Variants in NPEPL1 observed in about 807,000 individuals in gnomAD.
NPEPL1 encodes probable aminopeptidase NPEPL1.
Under a neutral mutation model 52.4 loss-of-function variants are expected in NPEPL1, and 45 were observed. The ratio of observed to expected loss-of-function variants is 0.86; its 90% CI spans 0.68 to 1.10. NPEPL1 has a LOEUF of 1.10. NPEPL1 is among the 50% of genes least tolerant of loss of function. The pLI, the probability that NPEPL1 is intolerant of heterozygous loss-of-function variation, is 0.00. For missense variants in NPEPL1, 696 were observed against 710.9 expected (o/e 0.98, Z 0.24); for synonymous variants, 360 against 314.7 (o/e 1.14, Z -1.52).
intron 8 of NPEPL1, chr20:58,712,987 G>A (rs2084884179): frequency 2.7e-6 from 1 of 371,272 alleles, no homozygotes; most frequent in Non-Finnish European, 5.2e-6. Context: ...TGAGGAGCAA[G>A]TGGCTCCAGA....
rs780074914 is a variant in NPEPL1 at position 58,714,564 on chromosome 20, G to A, written c.1307G>A (p.Arg436Gln). 7.6e-6 allele frequency: 12 copies of A among 1,580,532 alleles called. 2 individuals carry two copies. Among genetic ancestry groups the A allele is most frequent in the East Asian group, 4.6e-5 (2 of 43,298 alleles). The change falls in exon 11 of 12, where the codon CGA becomes CAA. Residue 436 changes from arginine (R) to glutamine (Q), a missense_variant. Coordinates refer to ENST00000356091, the MANE Select transcript of NPEPL1 (RefSeq NM_024663.4). ...GTGTCCTCCTGGCCTCCCTAGGACCGAGACAACAGCCCCAGCTCCTGTGCT... is the reference window on the plus strand; with the variant it reads ...GTGTCCTCCTGGCCTCCCTAGGACCAAGACAACAGCCCCAGCTCCTGTGCT... ...VADMKNSVAD[R>Q]DNSPSSCAGL... is the part of the protein sequence containing the mutation.
chr20:58,712,449 A>G (rs763124949), intron 7 of NPEPL1, 30 bp from the exon 8 acceptor site: 9 of 1,512,952 alleles, frequency 5.9e-6, no homozygotes, highest in African/African-American at 5.5e-5. Flanking sequence ...ATGACCTACA[A>G]CTGGAGCCTC....
At chr20:58,701,197 G>T in intron 6 of NPEPL1, 39 bp downstream of exon 6, 1 of 1,434,286 alleles carries the variant, frequency 7.0e-7, no homozygotes, top group East Asian at 3.0e-5. Context: ...CCTGGGGGAG[G>T]GGAGGGGAAG....
chr20:58,714,872 C>T, intron 11 of NPEPL1: 1 of 612,884 alleles, frequency 1.6e-6, no homozygotes, highest in Non-Finnish European at 2.9e-6. Context: ...CCCCAGCCAG[C>T]CTGTCCTCCA....
At chr20:58,707,704 C>CT (rs2123132204) in intron 7 of NPEPL1, among the ~76,000 whole-genome samples, 1 of 100,992 alleles carries the variant, frequency 9.9e-6, no homozygotes, top group South Asian at 4.0e-4. Flanking sequence ...GCAGTAGTCA[C>CT]TCGGGGGGCG....
chr20:58,695,074 TGTGTGGTGTAC>T (rs1369222408), intron 3 of NPEPL1, among the ~76,000 whole-genome samples: 42 of 137,222 alleles, frequency 3.1e-4, no homozygotes, highest in African/African-American at 9.9e-4. Context: ...ATGAGTGGTG[TGTGTGGTGTAC>T]GTGTGGTATG....
At position 58,713,679 on chromosome 20, in the gene NPEPL1, G is replaced by A; in HGVS notation, c.1125+136G>A. The stretch of plus-strand genomic sequence containing the variant: ...ATAACTGGGCACGAGGAGGCAGGAG[G>A]AGCTGCCCGTCAAGCTTGGTGTGGG... On this transcript the variant is annotated intron_variant, in intron 9 of 11. Transcript: ENST00000356091. The surrounding 1 kb of genome is among the most constrained non-coding windows in gnomAD (Gnocchi z 4.6). 7.7e-7 allele frequency: 1 copy of A among 1,304,700 alleles called. No homozygotes were observed. 80.8% of individuals were successfully genotyped at this position (1,304,700 alleles called of 1,614,324 possible).
At chr20:58,698,626 A>G (rs1341602377) in intron 3 of NPEPL1, 58 bp from the exon 4 acceptor site, 2 of 1,389,364 alleles carry the variant, frequency 1.4e-6, no homozygotes, top group Non-Finnish European at 2.0e-6. Flanking sequence ...TGGGGGATGG[A>G]CAAGGGGAGA....
At chr20:58,714,988 C>T in intron 11 of NPEPL1, 180 bp from the exon 12 acceptor site, 1 of 726,742 alleles carries the variant, frequency 1.4e-6, no homozygotes, top group South Asian at 1.9e-5. Context: ...GCCTGCCAGC[C>T]CTGAACGTGT....
At chr20:58,703,893 G>A in intron 6 of NPEPL1, 1 of 985,356 alleles carries the variant, frequency 1.0e-6, no homozygotes. Context: ...TATAGCCCCT[G>A]CCTATTCCCG....
rs544821282 is a variant in NPEPL1, at chr20:58,702,225, CAGA to C, written c.822+1070_822+1072del. The stretch of plus-strand genomic sequence containing the variant: ...CTGGATTTCCGGCCTTTTGTGCACT[CAGA>C]AGGTCTGCCAGTGCTGGCGTTCTGT... On this transcript the variant is annotated intron_variant, in intron 6 of 11. Coordinates refer to ENST00000356091, the MANE Select transcript of NPEPL1 (RefSeq NM_024663.4). 6.6e-5 allele frequency among the ~76,000 whole-genome samples: 10 copies of C among 152,398 alleles called. No individual in the cohort carries two copies. The South Asian group carries it at 1.0e-3, about 16-fold the overall frequency.
chr20:58,696,073 C>T (rs550435831), intron 3 of NPEPL1, among the ~76,000 whole-genome samples: 3 of 152,368 alleles, frequency 2.0e-5, no homozygotes, highest in African/African-American at 7.2e-5. Context: ...TTCTGACTTC[C>T]AGGCCTGCCA....
At chr20:58,700,236 T>C (rs1331385698) in intron 5 of NPEPL1, among the ~76,000 whole-genome samples, 1 of 152,198 alleles carries the variant, frequency 6.6e-6, no homozygotes, top group South Asian at 2.1e-4. Context: ...TCTACCTTTT[T>C]CTTTTGGTTA....
At chr20:58,709,113 G>A (rs1371633330) in intron 7 of NPEPL1, among the ~76,000 whole-genome samples, 1 of 151,900 alleles carries the variant, frequency 6.6e-6, no homozygotes, top group Non-Finnish European at 1.5e-5. Context: ...ACCTCTAGAG[G>A]TGCTGCGGCC....
At chr20:58,707,024 G>A in intron 6 of NPEPL1, 99 bp from the exon 7 acceptor site, 2 of 1,235,674 alleles carry the variant, frequency 1.6e-6, no homozygotes, top group Non-Finnish European at 2.3e-6. Flanking sequence ...GCTGGGGAAG[G>A]TGGGGCTAGC....
chr20:58,693,820 C>T lies in NPEPL1; in HGVS notation c.234C>T (p.Ala78=). The change falls in exon 2 of 12, where the codon GCC becomes GCT. Residue 78 remains alanine (A), a synonymous_variant. Coordinates refer to ENST00000356091, the MANE Select transcript of NPEPL1 (RefSeq NM_024663.4). ...ACCTGAACTACGCCACCGTGGCTGC[C>T]CTGCCCTGCAGGGTGAGCCGGCACA... ...PLYLNYATVA[A]LPCRVSRHNS... 2 of 1,613,630 alleles carry T rather than the reference C, an allele frequency of 1.2e-6. No homozygotes were observed. Among genetic ancestry groups the T allele is most frequent in the Non-Finnish European group, 1.7e-6 (2 of 1,179,662 alleles).
rs1360710119 is a variant in NPEPL1 at position 58,699,286 on chromosome 20, G to C, written c.679+8G>C. ...AGACGAGAGGATTTGGAGGTGGGTG[G>C]GGGCTGCATCCCTGCAGCTCTTGGC... is the stretch of plus-strand genomic sequence containing the variant. On this transcript the variant is annotated splice_region_variant and intron_variant, in intron 5 of 11. Transcript: ENST00000356091. 2 of 1,600,638 alleles carry C rather than the reference G, an allele frequency of 1.2e-6. No individual in the cohort carries two copies. Among genetic ancestry groups the C allele is most frequent in the Non-Finnish European group, 1.7e-6 (2 of 1,173,156 alleles).
chr20:58,711,081 CCCCG>C (rs2084827088), intron 7 of NPEPL1: 1 of 122,480 alleles, frequency 8.2e-6, no homozygotes, highest in African/African-American at 3.8e-5. Context: ...CCTCCTCCCC[CCCCG>C]CCTCCTCTCC....
intron 3 of NPEPL1, among the ~76,000 whole-genome samples, chr20:58,697,620 C>T (rs1046160633): frequency 2.6e-5 from 4 of 152,208 alleles, no homozygotes; most frequent in Non-Finnish European, 2.9e-5. Flanking sequence ...CCTGCACCCC[C>T]GCAAAACAGC....
Sources: allele counts gnomAD v4.1 joint callset (sites outside exome capture counted in the v4.1 genomes callset), GRCh38; gene constraint gnomAD v4.1.1; non-coding constraint Gnocchi (gnomAD v3.1); transcripts MANE v1.5; gene names NCBI Gene and HGNC (gene_info 2026-07-23, HGNC 2026-07-21).